The following GRIK3 variants were observed in gnomAD, a reference collection of about 807,000 sequenced individuals.
The protein encoded by GRIK3 is glutamate receptor ionotropic, kainate 3.
In GRIK3, 29 loss-of-function variants were observed where a neutral mutation model predicts 102.5. That is an observed-to-expected ratio of 0.28 (90% CI 0.21 to 0.39). The LOEUF is 0.39. Among genes scored for constraint, GRIK3 ranks in the 10% least tolerant of loss-of-function variants. The pLI, the probability that GRIK3 is intolerant of heterozygous loss-of-function variation, is 1.00. For missense variants in GRIK3, 908 were observed against 1,252.4 expected (o/e 0.73, Z 4.15); for synonymous variants, 511 against 504.9 (o/e 1.01, Z -0.16).
intron 5 of GRIK3, among the ~76,000 whole-genome samples, chr1:36,865,466 G>A (rs888245099): frequency 1.3e-5 from 2 of 152,204 alleles, no homozygotes; most frequent in African/African-American, 2.4e-5. Context: ...GGAGGATCAC[G>A]AGGTAGAGGC....
intron 10 of GRIK3, among the ~76,000 whole-genome samples, chr1:36,829,121 G>A (rs544932): frequency 0.17 from 26,528 of 152,172 alleles, 2,644 homozygotes; most frequent in African/African-American, 0.27. Flanking sequence ...TCTCCACTGC[G>A]TTTCTGGTTA....
intron 1 of GRIK3, among the ~76,000 whole-genome samples, chr1:36,929,884 T>A (rs1161448527): frequency 6.6e-6 from 1 of 152,278 alleles, no homozygotes; most frequent in Non-Finnish European, 1.5e-5. Context: ...CAGCCTAGGC[T>A]GCAGGCTTTT....
At chr1:36,816,681 G>T (rs753854495) in intron 13 of GRIK3, among the ~76,000 whole-genome samples, 9 of 152,174 alleles carry the variant, frequency 5.9e-5, no homozygotes, top group Admixed American at 3.9e-4. Context: ...TCTTTGAGAT[G>T]GACGGCATTG....
intron 1 of GRIK3, among the ~76,000 whole-genome samples, chr1:36,920,012 G>C (rs1293525663): frequency 6.6e-6 from 1 of 152,246 alleles, no homozygotes; most frequent in African/African-American, 2.4e-5. Flanking sequence ...AGCAAAGTGT[G>C]TGTCCCACCC....
intron 10 of GRIK3, among the ~76,000 whole-genome samples, chr1:36,836,865 A>C (rs549060079): frequency 1.3e-5 from 2 of 152,222 alleles, no homozygotes; most frequent in African/African-American, 4.8e-5. Flanking sequence ...AAATTTGAGA[A>C]TAGGAGCACT....
chr1:36,834,535 G>C (rs1355746002), intron 10 of GRIK3, among the ~76,000 whole-genome samples: 1 of 152,060 alleles, frequency 6.6e-6, no homozygotes, highest in African/African-American at 2.4e-5. Context: ...TCTGTGGTTG[G>C]CACACAGGCC....
intron 1 of GRIK3, among the ~76,000 whole-genome samples, chr1:37,020,316 C>T (rs972071179): frequency 1.3e-5 from 2 of 152,142 alleles, no homozygotes; most frequent in Non-Finnish European, 2.9e-5. Context: ...ACATTTAATT[C>T]CCATCACCTG....
intron 1 of GRIK3, among the ~76,000 whole-genome samples, chr1:37,033,266 G>A (rs1055654491): frequency 6.6e-6 from 1 of 152,230 alleles, no homozygotes; most frequent in Non-Finnish European, 1.5e-5. Context: ...GAGGAATTCG[G>A]GCTAACTTTA....
intron 1 of GRIK3, among the ~76,000 whole-genome samples, chr1:36,933,397 A>G (rs912746967): frequency 6.6e-6 from 1 of 152,210 alleles, no homozygotes; most frequent in Non-Finnish European, 1.5e-5. Context: ...GGATGTTTTC[A>G]TGCAGCCAGA....
At chr1:36,991,242 A>G (rs1642360611) in intron 1 of GRIK3, among the ~76,000 whole-genome samples, 1 of 152,226 alleles carries the variant, frequency 6.6e-6, no homozygotes, top group East Asian at 1.9e-4. Flanking sequence ...TAGGTATATC[A>G]TAGGTGCATC....
intron 1 of GRIK3, among the ~76,000 whole-genome samples, chr1:36,982,602 C>T (rs1465944221): frequency 1.3e-5 from 2 of 152,146 alleles, no homozygotes; most frequent in Non-Finnish European, 2.9e-5. Context: ...GGGAAAAATC[C>T]CATGGGTCTG....
intron 11 of GRIK3, among the ~76,000 whole-genome samples, chr1:36,823,580 C>T (rs982835140): frequency 4.0e-5 from 6 of 151,692 alleles, no homozygotes; most frequent in Non-Finnish European, 8.8e-5. Flanking sequence ...ATGAGCTCTG[C>T]AACACTGGCC....
Position 36,880,707 on chromosome 1 carries a change from G to A in GRIK3, c.477C>T (p.Leu159=), listed in dbSNP as rs750150376. The A allele has an allele frequency of 3.1e-6, 5 of 1,614,134 alleles. No homozygotes were observed. Among genetic ancestry groups the A allele is most frequent in the Admixed American group, 1.7e-5 (1 of 60,034 alleles). ...YVNLYPDYAS[L]SHAILDLVQY... is the part of the protein sequence containing the mutation. ...GGACCAGGTCGAGGATGGCATGGCTGAGCGAGGCGTAGTCGGGGTAGAGGT... is the reference window on the plus strand; with the variant it reads ...GGACCAGGTCGAGGATGGCATGGCTAAGCGAGGCGTAGTCGGGGTAGAGGT... Residue 159 remains leucine, a synonymous_variant, in exon 3 of 16, where the codon CTC becomes CTT. Transcript: ENST00000373091. The surrounding 1 kb of genome is among the most constrained non-coding windows in gnomAD (Gnocchi z 5.4).
intron 1 of GRIK3, among the ~76,000 whole-genome samples, chr1:36,915,358 C>T (rs1161131013): frequency 1.3e-5 from 2 of 152,176 alleles, no homozygotes; most frequent in Non-Finnish European, 2.9e-5. Context: ...TCTTTCTCTC[C>T]AGTGCCTAGA....
chr1:36,853,884 G>A (rs540360983), intron 7 of GRIK3, among the ~76,000 whole-genome samples, 162 bp from the exon 8 acceptor site: 1 of 152,236 alleles, frequency 6.6e-6, no homozygotes, highest in South Asian at 2.1e-4. Flanking sequence ...GCTGCGGTGT[G>A]AGCCAGCGAT....
intron 1 of GRIK3, among the ~76,000 whole-genome samples, chr1:36,985,137 A>C (rs534654682): frequency 8.8e-4 from 134 of 152,132 alleles, no homozygotes; most frequent in African/African-American, 3.2e-3. Context: ...GGCAGGCCAG[A>C]GGGGCCAAAG....
chr1:36,980,664 G>T (rs911885750), intron 1 of GRIK3, among the ~76,000 whole-genome samples: 1 of 151,966 alleles, frequency 6.6e-6, no homozygotes, highest in Non-Finnish European at 1.5e-5. Flanking sequence ...GGTCCCGCAA[G>T]GTCTGGCTTC....
chr1:36,802,492 C>A (rs1642453121), intron 15 of GRIK3, among the ~76,000 whole-genome samples: 1 of 152,176 alleles, frequency 6.6e-6, no homozygotes, highest in African/African-American at 2.4e-5. Context: ...TATGGATAAA[C>A]TTTCTCCTGG....
intron 1 of GRIK3, among the ~76,000 whole-genome samples, chr1:36,967,659 C>T (rs56797665): frequency 0.022 from 3,355 of 152,270 alleles, 105 homozygotes; most frequent in African/African-American, 0.075. Context: ...CGGCAATGCT[C>T]CTAGAAGGTA....
Sources: gnomAD v4.1 joint callset for allele counts (sites outside exome capture counted in the v4.1 genomes callset) on GRCh38, gnomAD v4.1.1 for gene constraint, Gnocchi (gnomAD v3.1) non-coding constraint, MANE v1.5 for transcripts, NCBI Gene and HGNC (gene_info 2026-07-23, HGNC 2026-07-21) for gene names.